RFX7: variants seen among roughly 807,000 people sequenced by gnomAD.
RFX7 encodes the protein DNA-binding protein RFX7.
A neutral mutation model predicts 111.8 loss-of-function variants in RFX7; 26 were observed. The ratio of observed to expected loss-of-function variants is 0.23; its 90% CI spans 0.17 to 0.32. The LOEUF is 0.32. Ranked by LOEUF, RFX7 falls within the 10% of genes least tolerant of loss-of-function variation. RFX7 has a pLI of 1.00. For missense variants in RFX7, 1,573 were observed against 1,772.9 expected (o/e 0.89, Z 2.02); for synonymous variants, 624 against 624.4 (o/e 1.00, Z 0.01).
chr15:56,147,846 T>A (rs1259568798), intron 3 of RFX7, among the ~76,000 whole-genome samples: 1 of 152,250 alleles, frequency 6.6e-6, no homozygotes, highest in Admixed American at 6.5e-5. Context: ...GTGCTGGGAT[T>A]ACAGGCGTGA....
chr15:56,115,033 C>T (rs1025337802), intron 5 of RFX7, among the ~76,000 whole-genome samples: 1 of 152,032 alleles, frequency 6.6e-6, no homozygotes, highest in African/African-American at 2.4e-5. Flanking sequence ...ATTTTTGAGA[C>T]AGAGTCTCGC....
intron 2 of RFX7, among the ~76,000 whole-genome samples, chr15:56,198,045 C>T (rs1169262516): frequency 4.6e-5 from 7 of 152,308 alleles, no homozygotes; most frequent in African/African-American, 1.4e-4. Flanking sequence ...GAACTTGATA[C>T]AGCAATGCTA....
intron 4 of RFX7, among the ~76,000 whole-genome samples, chr15:56,143,188 T>A (rs2042424739): frequency 6.6e-6 from 1 of 152,192 alleles, no homozygotes; most frequent in African/African-American, 2.4e-5. Flanking sequence ...TATCTGCTCA[T>A]GTACTTACCT....
At chr15:56,207,288 G>A (rs1435320661) in intron 2 of RFX7, among the ~76,000 whole-genome samples, 15 of 152,064 alleles carry the variant, frequency 9.9e-5, no homozygotes, top group African/African-American at 3.4e-4. Flanking sequence ...GGAAATGGGG[G>A]GGTATTGTTT....
chr15:56,135,498 G>A (rs2042287627), intron 5 of RFX7, among the ~76,000 whole-genome samples: 1 of 151,868 alleles, frequency 6.6e-6, no homozygotes. Context: ...TGAGTTCATT[G>A]TAGATTCTGG....
intron 5 of RFX7, among the ~76,000 whole-genome samples, chr15:56,111,392 G>A (rs1462776680): frequency 1.3e-5 from 2 of 151,916 alleles, no homozygotes; most frequent in African/African-American, 4.8e-5. Flanking sequence ...TCCACTCAGG[G>A]TTAAATGGAT....
rs796318492 is a variant in RFX7, at chr15:56,088,935, T to C, written c.*4410A>G. On this transcript the variant is annotated 3_prime_UTR_variant, in exon 10 of 10. Coordinates refer to ENST00000559447, the MANE Select transcript of RFX7 (RefSeq NM_022841.7). ...AGAACATGTACTTAACTCTTTATGA[T>C]TGTAAGCCCCTCAAAGGTGGGTACA... 2.0e-4 allele frequency: 31 copies of C among 152,330 alleles called. No homozygotes were observed. The highest frequency in any genetic ancestry group is 6.5e-4 in the African/African-American group (27 of 41,574). The allele number at this position is 152,330 out of a possible 1,614,324, so 9.4% of individuals were successfully genotyped here. A position where few individuals can be genotyped will look rare whatever the true frequency, so the allele number is the denominator to read the frequency against.
chr15:56,172,665 T>C (rs990749645), intron 3 of RFX7, among the ~76,000 whole-genome samples: 4 of 152,118 alleles, frequency 2.6e-5, no homozygotes, highest in African/African-American at 9.7e-5. Context: ...ACAAGGCAAC[T>C]TCCTATTTTC....
At chr15:56,167,359 C>A (rs1416261202) in intron 3 of RFX7, among the ~76,000 whole-genome samples, 1 of 152,108 alleles carries the variant, frequency 6.6e-6, no homozygotes, top group Non-Finnish European at 1.5e-5. Context: ...CCTAACTATA[C>A]CTCTCCGATA....
At chr15:56,240,827 A>T (rs1204426360) in intron 2 of RFX7, among the ~76,000 whole-genome samples, 1 of 152,158 alleles carries the variant, frequency 6.6e-6, no homozygotes, top group East Asian at 1.9e-4. Context: ...AAAATGTGAA[A>T]TATCTAACTG....
intron 2 of RFX7, among the ~76,000 whole-genome samples, chr15:56,230,072 C>T (rs1413569325): frequency 6.6e-6 from 1 of 151,376 alleles, no homozygotes; most frequent in Non-Finnish European, 1.5e-5. Context: ...GTCTTGTCTC[C>T]TAAAAAAAAA....
chr15:56,118,702 T>C (rs1378585221), intron 5 of RFX7, among the ~76,000 whole-genome samples: 1 of 152,228 alleles, frequency 6.6e-6, no homozygotes, highest in Non-Finnish European at 1.5e-5. Flanking sequence ...TTCTTTTGGA[T>C]ATATACCTAG....
At chr15:56,201,056 G>A (rs1444010851) in intron 2 of RFX7, among the ~76,000 whole-genome samples, 1 of 152,076 alleles carries the variant, frequency 6.6e-6, no homozygotes, top group Admixed American at 6.6e-5. Context: ...ATTCCATTAA[G>A]GTGGCATATC....
intron 5 of RFX7, among the ~76,000 whole-genome samples, chr15:56,123,981 C>T (rs2042110048): frequency 6.6e-6 from 1 of 152,172 alleles, no homozygotes; most frequent in African/African-American, 2.4e-5. Context: ...TCTCTTTCAA[C>T]TTAAAACCAG....
chr15:56,220,636 C>T (rs1257764392), intron 2 of RFX7, among the ~76,000 whole-genome samples: 3 of 151,998 alleles, frequency 2.0e-5, no homozygotes, highest in Admixed American at 6.6e-5. Context: ...TATAGTTTGT[C>T]TGTTTACTCT....
At chr15:56,191,156 G>C (rs574334736) in intron 2 of RFX7, among the ~76,000 whole-genome samples, 2 of 152,262 alleles carry the variant, frequency 1.3e-5, no homozygotes, top group South Asian at 4.1e-4. Context: ...GAAAGCACCT[G>C]GTTCTCTCTG....
rs780223360 is a variant in RFX7, at chr15:56,118,204, CTT to C, written c.402-14536_402-14535del. ...GTGTTACCAACAATCCATTTATACT[CTT>C]TTGGTTATTTTAAAATGTACAATTT... On this transcript the variant is annotated intron_variant, in intron 5 of 9. Coordinates refer to ENST00000559447, the MANE Select transcript of RFX7 (RefSeq NM_022841.7). Among the ~76,000 whole-genome samples the C allele has an allele frequency of 2.6e-5, 4 of 152,196 alleles. 1 individual carries two copies. The highest frequency in any genetic ancestry group is 2.4e-5 in the African/African-American group (1 of 41,534).
chr15:56,204,407 G>GA (rs1345323825), intron 2 of RFX7, among the ~76,000 whole-genome samples: 1 of 151,824 alleles, frequency 6.6e-6, no homozygotes, highest in Non-Finnish European at 1.5e-5. Flanking sequence ...CCAAACTAAT[G>GA]AAAAAAACAC....
chr15:56,153,134 A>G (rs1162815351), intron 3 of RFX7, among the ~76,000 whole-genome samples: 4 of 152,338 alleles, frequency 2.6e-5, no homozygotes, highest in East Asian at 1.9e-4. Flanking sequence ...CAGAGGTACA[A>G]AGAGGAGCTG....
Sources: gnomAD v4.1 joint callset for allele counts (sites outside exome capture counted in the v4.1 genomes callset) on GRCh38, gnomAD v4.1.1 for gene constraint, MANE v1.5 for transcripts, NCBI Gene and HGNC (gene_info 2026-07-23, HGNC 2026-07-21) for gene names.